The following DPF3 variants were observed in gnomAD, a reference collection of about 807,000 sequenced individuals.
The protein encoded by DPF3 is zinc finger protein DPF3.
In DPF3, 18 loss-of-function variants were observed where a neutral mutation model predicts 56.8. The observed-to-expected ratio is 0.32, with a 90% confidence interval of 0.22 to 0.47. The LOEUF (loss-of-function observed/expected upper bound fraction) is 0.47, where lower values mean the gene tolerates loss of function less well. DPF3 is among the 20% of genes least tolerant of loss of function. The pLI is 1.00. For synonymous variants in DPF3, 188 were observed against 180.2 expected, an observed-to-expected ratio of 1.04 and a Z score of -0.35; for missense variants, 403 against 488.8, an observed-to-expected ratio of 0.82 and a Z score of 1.65.
At chr14:72,792,150 C>G (rs937532832) in intron 1 of DPF3, among the ~76,000 whole-genome samples, 2 of 151,134 alleles carry the variant, frequency 1.3e-5, no homozygotes, top group Non-Finnish European at 1.5e-5. Context: ...AGCCATCACT[C>G]GTCCTTGGGC....
chr14:72,631,431 G>A (rs1885163269), intron 8 of DPF3, among the ~76,000 whole-genome samples: 1 of 152,162 alleles, frequency 6.6e-6, no homozygotes, highest in South Asian at 2.1e-4. Context: ...CCCTATTCCA[G>A]TCTCTCAGAG....
Position 72,612,441 on chromosome 14 carries a change from TC to T in DPF3, c.*6855del. On this transcript the variant is annotated 3_prime_UTR_variant, in exon 11 of 11. Transcript: ENST00000556509. ...GCAGTGTTTCTGTCCTTTTTTTTTTTCTAGTACCTAATTTAGGCTTCTTCAA... is the reference window on the plus strand; with the variant it reads ...GCAGTGTTTCTGTCCTTTTTTTTTTTTAGTACCTAATTTAGGCTTCTTCAA... 5.8e-6 allele frequency: 3 copies of T among 517,188 alleles called. No individual in the cohort carries two copies. The highest frequency in any genetic ancestry group is 1.2e-5 in the Non-Finnish European group (3 of 258,976). The allele number at this position is 517,188 out of a possible 1,614,324, so 32.0% of individuals were successfully genotyped here.
intron 7 of DPF3, among the ~76,000 whole-genome samples, chr14:72,685,469 C>T (rs1250545461): frequency 7.9e-5 from 12 of 152,284 alleles, no homozygotes; most frequent in Middle Eastern, 3.4e-3. Context: ...CTAGTTGTTC[C>T]GTCATCTCTT....
intron 5 of DPF3, among the ~76,000 whole-genome samples, chr14:72,718,600 C>T (rs968257254): frequency 6.6e-6 from 1 of 152,118 alleles, no homozygotes; most frequent in South Asian, 2.1e-4. Context: ...TGGGCTACCT[C>T]TTAAACCACA....
chr14:72,838,084 G>A (rs898325060), intron 1 of DPF3, among the ~76,000 whole-genome samples: 3 of 152,212 alleles, frequency 2.0e-5, no homozygotes, highest in African/African-American at 7.2e-5. Context: ...GGGGCCATCT[G>A]ACACAGAGAG....
intron 5 of DPF3, among the ~76,000 whole-genome samples, chr14:72,721,981 G>A (rs2139839377): frequency 6.6e-6 from 1 of 152,282 alleles, no homozygotes; most frequent in Non-Finnish European, 1.5e-5. Context: ...GAAGAGGTAT[G>A]CTGTGGAATC....
chr14:72,750,974 T>A (rs1004800722), intron 3 of DPF3, among the ~76,000 whole-genome samples: 6 of 152,138 alleles, frequency 3.9e-5, no homozygotes, highest in Non-Finnish European at 8.8e-5. Flanking sequence ...GAGGATTATC[T>A]GAAGCCAGGA....
At chr14:72,863,190 C>A (rs930185913) in intron 1 of DPF3, among the ~76,000 whole-genome samples, 7 of 145,708 alleles carry the variant, frequency 4.8e-5, no homozygotes, top group Non-Finnish European at 7.5e-5. Flanking sequence ...ATCCCCAGGC[C>A]TTTCTCAAGC....
chr14:72,893,266 A>T (rs1236109689), intron 1 of DPF3, among the ~76,000 whole-genome samples: 11 of 152,028 alleles, frequency 7.2e-5, no homozygotes, highest in Admixed American at 7.2e-4. Context: ...GGTGGCGAGA[A>T]CACCATTCAT....
intron 1 of DPF3, among the ~76,000 whole-genome samples, chr14:72,792,109 C>G (rs1378880510): frequency 2.0e-5 from 3 of 151,632 alleles, no homozygotes; most frequent in Admixed American, 2.0e-4. Flanking sequence ...CCAACCCCGA[C>G]CCACTGCTCC....
intron 8 of DPF3, among the ~76,000 whole-genome samples, chr14:72,649,340 T>C (rs1414806802): frequency 6.6e-6 from 1 of 151,982 alleles, no homozygotes; most frequent in Non-Finnish European, 1.5e-5. Context: ...GAGGTGGAAC[T>C]CACAGCAAGC....
intron 1 of DPF3, among the ~76,000 whole-genome samples, chr14:72,889,228 G>C (rs73306250): frequency 0.015 from 2,355 of 152,266 alleles, 68 homozygotes; most frequent in African/African-American, 0.054. Context: ...CTGCAGACCA[G>C]GCTATTTTCA....
intron 9 of DPF3, among the ~76,000 whole-genome samples, chr14:72,628,394 A>G (rs1884961219): frequency 6.9e-6 from 1 of 145,102 alleles, no homozygotes; most frequent in Non-Finnish European, 1.5e-5. Flanking sequence ...TGCCATTTCT[A>G]TATGATCTAC....
At chr14:72,808,582 T>C (rs1202679205) in intron 1 of DPF3, among the ~76,000 whole-genome samples, 2 of 152,158 alleles carry the variant, frequency 1.3e-5, no homozygotes, top group South Asian at 2.1e-4. Context: ...ATTTTAATAG[T>C]GTGTGAAAAT....
intron 6 of DPF3, among the ~76,000 whole-genome samples, chr14:72,701,718 C>G (rs1793065112): frequency 1.3e-5 from 2 of 152,226 alleles, no homozygotes; most frequent in African/African-American, 4.8e-5. Context: ...CAGTGGGAAT[C>G]TGAGCCAGTG....
chr14:72,757,883 T>G (rs1358489723), intron 2 of DPF3, among the ~76,000 whole-genome samples: 2 of 151,928 alleles, frequency 1.3e-5, no homozygotes, highest in African/African-American at 2.4e-5. Flanking sequence ...ATTTAACAAA[T>G]GGGGATACAC....
intron 3 of DPF3, among the ~76,000 whole-genome samples, chr14:72,737,759 C>T (rs951468904): frequency 7.9e-5 from 12 of 152,114 alleles, no homozygotes; most frequent in African/African-American, 1.4e-4. Context: ...TGAAACACCC[C>T]GACAAGGCGC....
chr14:72,718,769 C>CTCTTTTTTTTTTTT (rs1172947236), intron 5 of DPF3, among the ~76,000 whole-genome samples: 1 of 14,748 alleles, frequency 6.8e-5, no homozygotes, highest in Admixed American at 8.4e-4. Flanking sequence ...TACACCCTTG[C>CTCTTTTTTTTTTTT]TATTTTTTTT....
At chr14:72,785,913 GAA>G (rs1892190366) in intron 1 of DPF3, among the ~76,000 whole-genome samples, 1 of 152,184 alleles carries the variant, frequency 6.6e-6, no homozygotes, top group Non-Finnish European at 1.5e-5. Context: ...TCAGATTAAA[GAA>G]TCCCAGAATG....
Sources: allele counts gnomAD v4.1 joint callset (sites outside exome capture counted in the v4.1 genomes callset), GRCh38; gene constraint gnomAD v4.1.1; transcripts MANE v1.5; gene names NCBI Gene and HGNC (gene_info 2026-07-23, HGNC 2026-07-21).